Variants in CHRDL2 observed in about 807,000 individuals in gnomAD.
CHRDL2 encodes chordin-like protein 2.
Under a neutral mutation model 54.3 loss-of-function variants are expected in CHRDL2, and 41 were observed. The ratio of observed to expected loss-of-function variants is 0.76; its 90% CI spans 0.59 to 0.98. The LOEUF is 0.98. Ranked by LOEUF, CHRDL2 falls within the 50% of genes least tolerant of loss-of-function variation. The pLI, the probability that CHRDL2 is intolerant of heterozygous loss-of-function variation, is 0.00. For missense variants in CHRDL2, 518 were observed against 562.4 expected, an observed-to-expected ratio of 0.92 and a Z score of 0.80; for synonymous variants, 220 against 224.3, an observed-to-expected ratio of 0.98 and a Z score of 0.17.
chr11:74,723,326 C>G (rs1591370500), intron 1 of CHRDL2, among the ~76,000 whole-genome samples: 1 of 152,176 alleles, frequency 6.6e-6, no homozygotes, highest in East Asian at 1.9e-4. Flanking sequence ...ATTAGTAATA[C>G]AGTAGTCCCC....
intron 5 of CHRDL2, among the ~76,000 whole-genome samples, chr11:74,707,431 G>A (rs1340241999): frequency 2.0e-5 from 3 of 152,274 alleles, no homozygotes; most frequent in South Asian, 2.1e-4. Flanking sequence ...GGAACAGTCC[G>A]ACCATTTCAT....
At position 74,730,844 on chromosome 11, in the gene CHRDL2, C is replaced by A. The variant is rs774968508; in HGVS notation, c.45G>T (p.Ala15=). ...GGGAGTCCAGGGGGAACCAGAGCAG[C>A]GCGAGTCCCAGCAAGGAGGAGAGGA... ...VRVLSSLLGL[A]LLWFPLDSHA... Residue 15 remains alanine (A), a synonymous_variant, in exon 1 of 11, where the codon GCG becomes GCT. Transcript: ENST00000376332. 2 of 1,612,828 alleles carry A rather than the reference C, an allele frequency of 1.2e-6. No individual in the cohort carries two copies. The highest frequency in any genetic ancestry group is 1.7e-5 in the Admixed American group (1 of 59,880).
intron 1 of CHRDL2, among the ~76,000 whole-genome samples, chr11:74,724,150 A>G (rs1222064286): frequency 2.6e-5 from 4 of 152,370 alleles, no homozygotes; most frequent in South Asian, 2.1e-4. Context: ...CTCTAGGAAC[A>G]TGCCTGAGCT....
rs2034083818 is a variant in CHRDL2, at chr11:74,708,424, A to T, written c.433-29T>A. 2.0e-6 allele frequency: 3 copies of T among 1,501,746 alleles called. No individual in the cohort carries two copies. The African/African-American group carries it at 4.2e-5, about 21-fold the overall frequency. 93.0% of individuals were successfully genotyped at this position (1,501,746 alleles called of 1,614,324 possible). A position where few individuals can be genotyped will look rare whatever the true frequency, so the allele number is the denominator to read the frequency against. On this transcript the variant is annotated intron_variant, in intron 4 of 10. Coordinates refer to ENST00000376332, the MANE Select transcript of CHRDL2 (RefSeq NM_001278473.3). ...ACAGATAGAGCAAACCAGCTGGGAA[A>T]TGAGCTCTGATAAGGGCTAGCCTTG...
chr11:74,702,452 G>A (rs759837627), intron 9 of CHRDL2, among the ~76,000 whole-genome samples: 3 of 152,192 alleles, frequency 2.0e-5, no homozygotes, highest in Non-Finnish European at 2.9e-5. Context: ...TGCTGTGAGG[G>A]CCCTCCTGCC....
rs370008665 is a variant in CHRDL2 at position 74,730,955 on chromosome 11, G to A, written c.-67C>T. 256 of 1,317,934 alleles carry A rather than the reference G, an allele frequency of 1.9e-4. No homozygotes were observed. The African/African-American group carries it at 3.4e-3, about 17-fold the overall frequency. 81.6% of individuals were successfully genotyped at this position (1,317,934 alleles called of 1,614,324 possible). Reference sequence around the variant, plus strand: ...GGAGGAAGGGAGACGAAAAGGACACGGAGGCACAGGGGCCACAGATCAACC... The same window carrying A: ...GGAGGAAGGGAGACGAAAAGGACACAGAGGCACAGGGGCCACAGATCAACC... On this transcript the variant is annotated 5_prime_UTR_variant, in exon 1 of 11. Coordinates refer to ENST00000376332, the MANE Select transcript of CHRDL2 (RefSeq NM_001278473.3).
intron 1 of CHRDL2, among the ~76,000 whole-genome samples, chr11:74,726,041 G>A (rs191473612): frequency 2.0e-5 from 3 of 152,248 alleles, no homozygotes; most frequent in Admixed American, 6.5e-5. Flanking sequence ...TGTGCAACCC[G>A]GAGAAAGGAA....
At chr11:74,713,701 G>C (rs1461272902) in intron 2 of CHRDL2, among the ~76,000 whole-genome samples, 2 of 152,212 alleles carry the variant, frequency 1.3e-5, no homozygotes, top group African/African-American at 4.8e-5. Flanking sequence ...CCCTGAAGGA[G>C]GTCAGTTCTG....
At chr11:74,700,358 T>A (rs1267069950) in intron 9 of CHRDL2, among the ~76,000 whole-genome samples, 1 of 152,150 alleles carries the variant, frequency 6.6e-6, no homozygotes, top group African/African-American at 2.4e-5. Flanking sequence ...GCCTCTTTAT[T>A]TATTTACTTA....
In CHRDL2 at chr11:74,706,616, C is replaced by G. The variant is rs1163646547; in HGVS notation, c.527-74G>C. 2.1e-6 allele frequency: 3 copies of G among 1,406,568 alleles called. No homozygotes were observed. In the African/African-American group the frequency reaches 4.2e-5, roughly 20 times the overall value. The allele number at this position is 1,406,568 out of a possible 1,614,324, so 87.1% of individuals were successfully genotyped here. ...CTGGCTAGAGCCCTGAGGCCTCCAC[C>G]TATAGGCTCTGTCCATTCCCAAGGC... On this transcript the variant is annotated intron_variant, in intron 5 of 10. Coordinates refer to ENST00000376332, the MANE Select transcript of CHRDL2 (RefSeq NM_001278473.3).
chr11:74,698,425 C>G (rs972958258), intron 9 of CHRDL2: 1 of 152,112 alleles, frequency 6.6e-6, no homozygotes, highest in Non-Finnish European at 1.5e-5. Context: ...CAAGCCTTAG[C>G]TGGGAAGTCT....
chr11:74,718,985 A>G (rs1228921021), intron 1 of CHRDL2, 153 bp from the exon 2 acceptor site: 3 of 597,896 alleles, frequency 5.0e-6, no homozygotes, highest in African/African-American at 3.7e-5. Context: ...TCTCCTAGGC[A>G]AGGGGCCAGA....
chr11:74,708,194 G>A, intron 5 of CHRDL2, 108 bp downstream of exon 5: 1 of 714,136 alleles, frequency 1.4e-6, no homozygotes, highest in Non-Finnish European at 2.1e-6. Context: ...AGAGCCGTCT[G>A]CTACATGCTG....
chr11:74,697,063 T>G (rs962465872), intron 10 of CHRDL2, 142 bp downstream of exon 10: 14 of 637,976 alleles, frequency 2.2e-5, no homozygotes, highest in African/African-American at 3.6e-5. Flanking sequence ...AGACACCCGC[T>G]GGATTCCTGT....
At chr11:74,701,541 G>A (rs2033810975) in intron 9 of CHRDL2, 1 of 712,040 alleles carries the variant, frequency 1.4e-6, no homozygotes, top group Admixed American at 2.0e-5. Flanking sequence ...CAGGGAAAGA[G>A]CCGCATCTGA....
chr11:74,719,425 T>C (rs934061225), intron 1 of CHRDL2: 3 of 107,890 alleles, frequency 2.8e-5, no homozygotes, highest in African/African-American at 1.0e-4. Context: ...CACACACACG[T>C]GTACACATTC....
Position 74,718,328 on chromosome 11 carries a change from C to T in CHRDL2, c.195+392G>A, listed in dbSNP as rs375170440. Reference sequence around the variant, plus strand: ...TTGGGCTAGTGGAGGTGGGGGAACACATCCTAAGGCAGGGCCAAAGTGGCT... The same window carrying T: ...TTGGGCTAGTGGAGGTGGGGGAACATATCCTAAGGCAGGGCCAAAGTGGCT... On this transcript the variant is annotated intron_variant, in intron 2 of 10. Transcript: ENST00000376332. 1.5e-4 allele frequency among the ~76,000 whole-genome samples: 23 copies of T among 152,292 alleles called. No individual in the cohort carries two copies. The South Asian group carries it at 4.6e-3, about 30-fold the overall frequency.
intron 2 of CHRDL2, among the ~76,000 whole-genome samples, chr11:74,718,396 CA>C (rs1183612383): frequency 6.6e-6 from 1 of 152,084 alleles, no homozygotes; most frequent in African/African-American, 2.4e-5. Flanking sequence ...GAGATAAGGT[CA>C]AAAAGGCTCT....
chr11:74,727,497 TG>T (rs904051326), intron 1 of CHRDL2, among the ~76,000 whole-genome samples: 4 of 152,172 alleles, frequency 2.6e-5, no homozygotes, highest in African/African-American at 4.8e-5. Context: ...CCCCATCTTC[TG>T]GGCTCAAGCA....
Sources: allele counts gnomAD v4.1 joint callset (sites outside exome capture counted in the v4.1 genomes callset), GRCh38; gene constraint gnomAD v4.1.1; transcripts MANE v1.5; gene names NCBI Gene and HGNC (gene_info 2026-07-23, HGNC 2026-07-21).